OTP: variants seen among roughly 807,000 people sequenced by gnomAD.
OTP encodes homeobox protein orthopedia.
OTP carries 5 observed loss-of-function variants against 22.3 expected under a neutral mutation model. That is an observed-to-expected ratio of 0.22 (90% confidence interval 0.12 to 0.47). The LOEUF (loss-of-function observed/expected upper bound fraction) is 0.47, where lower values mean the gene tolerates loss of function less well. Among genes scored for constraint, OTP ranks in the 20% least tolerant of loss-of-function variants. The pLI, the probability that OTP is intolerant of heterozygous loss-of-function variation, is 0.99. For missense variants in OTP, 428 were observed against 456.2 expected, an observed-to-expected ratio of 0.94 and a Z score of 0.56; for synonymous variants, 229 against 210.6, an observed-to-expected ratio of 1.09 and a Z score of -0.76.
At chr5:77,638,325 T>C (rs1745042037) in intron 1 of OTP, among the ~76,000 whole-genome samples, 188 bp downstream of exon 1, 1 of 152,010 alleles carries the variant, frequency 6.6e-6, no homozygotes. Flanking sequence ...CCCAACTCCT[T>C]TCTTGGATCT....
Position 77,630,603 on chromosome 5 carries a change from G to A in OTP, c.639C>T (p.Ala213=), listed in dbSNP as rs2112366233. Residue 213 remains alanine, a synonymous_variant, in exon 3 of 3, where the codon GCC becomes GCT. Transcript: ENST00000306422. The part of the protein sequence containing the change: ...HANDTRWAAA[A]MPGVSQLPLP... ...GAGGCAGCTGTGACACGCCAGGCAT[G>A]GCGGCCGCCGCCCAGCGGGTGTCGT... 2 of 1,553,630 alleles carry A rather than the reference G, an allele frequency of 1.3e-6. No individual in the cohort carries two copies. The highest frequency in any genetic ancestry group is 1.9e-5 in the Admixed American group (1 of 52,710).
chr5:77,638,253 A>AAC (rs1294000763), intron 1 of OTP, among the ~76,000 whole-genome samples: 1 of 150,514 alleles, frequency 6.6e-6, no homozygotes, highest in Non-Finnish European at 1.5e-5. Context: ...CCTTTCGAAA[A>AAC]AAAAAAAAAG....
chr5:77,637,900 T>C (rs1561247568), intron 1 of OTP, among the ~76,000 whole-genome samples: 2 of 152,160 alleles, frequency 1.3e-5, no homozygotes, highest in East Asian at 1.9e-4. Flanking sequence ...AATCAAACTT[T>C]AGAGATTTCA....
intron 2 of OTP, chr5:77,636,207 G>A (rs561214643): frequency 6.6e-6 from 1 of 152,174 alleles, no homozygotes; most frequent in Non-Finnish European, 1.5e-5. Flanking sequence ...TGGGAATCTC[G>A]TCAGCTGCCC....
chr5:77,637,406 G>A (rs1337006043), intron 1 of OTP, among the ~76,000 whole-genome samples, 176 bp from the exon 2 acceptor site: 1 of 152,206 alleles, frequency 6.6e-6, no homozygotes, highest in East Asian at 1.9e-4. Flanking sequence ...AGCCGGGTTG[G>A]AATAATATCT....
chr5:77,630,915 G>C, intron 2 of OTP, 121 bp from the exon 3 acceptor site: 10 of 1,151,716 alleles, frequency 8.7e-6, no homozygotes, highest in Non-Finnish European at 1.2e-5. Flanking sequence ...GGAGGAACAA[G>C]TGCCGTAGGC....
chr5:77,637,666 C>T lies in OTP; in HGVS notation c.38-436G>A, dbSNP rs550836163. Among the ~76,000 whole-genome samples the T allele has an allele frequency of 9.8e-5, 15 of 152,308 alleles. No individual in the cohort carries two copies. The Middle Eastern group carries it at 0.01, about 104-fold the overall frequency. On this transcript the variant is annotated intron_variant, in intron 1 of 2. Coordinates refer to ENST00000306422, the MANE Select transcript of OTP (RefSeq NM_032109.3). ...GCTTCGGCAGCCTGACGAACTGTAC[C>T]TCCGGCCCTCAGCCGATTCCCTCTT...
chr5:77,635,958 A>C (rs1228075490), intron 2 of OTP: 1 of 152,090 alleles, frequency 6.6e-6, no homozygotes, highest in Non-Finnish European at 1.5e-5. Context: ...TTATACTTTT[A>C]TTCACCAATT....
chr5:77,631,871 T>C lies in OTP; in HGVS notation c.448-1077A>G, dbSNP rs374827844. 1.2e-3 allele frequency among the ~76,000 whole-genome samples: 178 copies of C among 152,240 alleles called. 5 individuals carry two copies. The South Asian group carries it at 0.031, about 27-fold the overall frequency. On this transcript the variant is annotated intron_variant, in intron 2 of 2. Coordinates refer to ENST00000306422, the MANE Select transcript of OTP (RefSeq NM_032109.3). Reference sequence around the variant, plus strand: ...AGCCACCGCGCCAAGCCAAAGTCTATTCCTTTCAGGAACTTACCAAGGGTC... The same window carrying C: ...AGCCACCGCGCCAAGCCAAAGTCTACTCCTTTCAGGAACTTACCAAGGGTC...
intron 1 of OTP, among the ~76,000 whole-genome samples, chr5:77,638,249 GA>G (rs34059045): frequency 3.1e-4 from 29 of 92,528 alleles, no homozygotes; most frequent in Middle Eastern, 6.3e-3. Flanking sequence ...ATCGCCTTTC[GA>G]AAAAAAAAAA....
intron 2 of OTP, 22 bp downstream of exon 2, chr5:77,636,799 C>T (rs1354374257): frequency 1.3e-6 from 2 of 1,592,678 alleles, no homozygotes; most frequent in Non-Finnish European, 1.7e-6. Flanking sequence ...GCCTTCTGTC[C>T]CAGATCCCAA....
At position 77,638,511 on chromosome 5, in the gene OTP, A is replaced by G; in HGVS notation, c.37+2T>C. On this transcript the variant is annotated splice_donor_variant, in intron 1 of 2. Transcript: ENST00000306422. LOFTEE classifies it high-confidence loss of function. ...CTGCCCGGGCGAGAGGCGCGCACTC[A>G]CCTAGCCTGGCGTCCAGGAGGTCGG... The G allele has an allele frequency of 1.3e-6, 2 of 1,573,818 alleles. No homozygotes were observed. Among genetic ancestry groups the G allele is most frequent in the Non-Finnish European group, 1.7e-6 (2 of 1,159,816 alleles).
At chr5:77,638,380 T>G (rs958713703) in intron 1 of OTP, 133 bp downstream of exon 1, 101 of 867,710 alleles carry the variant, frequency 1.2e-4, no homozygotes, top group Non-Finnish European at 1.7e-4. Flanking sequence ...TAAATCAAAT[T>G]AAACTTTAAT....
In OTP at chr5:77,634,800, T is replaced by C. The variant is rs528901811; in HGVS notation, c.447+2021A>G. Among the ~76,000 whole-genome samples, 10 of 152,338 alleles carry C rather than the reference T, an allele frequency of 6.6e-5. No homozygotes were observed. In the East Asian group the frequency reaches 1.7e-3, roughly 26 times the overall value. ...TTTTTAAACTATGGAACATTATTTTTAAAAATATTGAAATTGCCATTCTAT... is the reference window on the plus strand; with the variant it reads ...TTTTTAAACTATGGAACATTATTTTCAAAAATATTGAAATTGCCATTCTAT... On this transcript the variant is annotated intron_variant, in intron 2 of 2. Coordinates refer to ENST00000306422, the MANE Select transcript of OTP (RefSeq NM_032109.3).
In OTP at chr5:77,638,664, T is replaced by A. The variant is rs1745050240; in HGVS notation, c.-115A>T. On this transcript the variant is annotated 5_prime_UTR_variant, in exon 1 of 3. Transcript: ENST00000306422. ...TATAGATATATATAGATCACCTAAA[T>A]GAAAGAAAATTCGGTTTGTGGTTAA... The A allele has an allele frequency of 1.9e-6, 2 of 1,025,826 alleles. No homozygotes were observed. Among genetic ancestry groups the A allele is most frequent in the East Asian group, 6.2e-5 (2 of 32,422 alleles). The allele number at this position is 1,025,826 out of a possible 1,614,324, so 63.5% of individuals were successfully genotyped here.
chr5:77,630,514 G>A lies in OTP; in HGVS notation c.728C>T (p.Ala243Val). 6.3e-7 allele frequency: 1 copy of A among 1,590,680 alleles called. No homozygotes were observed. Among genetic ancestry groups the A allele is most frequent in the South Asian group, 1.1e-5 (1 of 87,944 alleles). Residue 243 changes from alanine to valine, a missense_variant, in exon 3 of 3, where the codon GCC becomes GTC. Transcript: ENST00000306422. ...AQSLSQCSLA[A>V]GPPPNSMGLS... ...GCCCATGGAGTTGGGCGGCGGACCG[G>A]CCGCCAGGCTGCACTGGGACAGCGA...
At chr5:77,637,343 G>T (rs760236974) in intron 1 of OTP, 113 bp from the exon 2 acceptor site, 30 of 1,264,456 alleles carry the variant, frequency 2.4e-5, no homozygotes, top group Admixed American at 1.2e-4. Flanking sequence ...ACCCGCGCTT[G>T]TCCTAAGGAA....
Position 77,630,159 on chromosome 5 carries a change from G to C in OTP, c.*105C>G. 1 of 600,960 alleles carries C rather than the reference G, an allele frequency of 1.7e-6. No individual in the cohort carries two copies. Among genetic ancestry groups the C allele is most frequent in the Non-Finnish European group, 2.3e-6 (1 of 426,508 alleles). The allele number at this position is 600,960 out of a possible 1,614,324, so 37.2% of individuals were successfully genotyped here. A position where few individuals can be genotyped will look rare whatever the true frequency, so the allele number is the denominator to read the frequency against. ...GACGAAACGAGACGGGGCGAAGGCC[G>C]GGGCGGGACGGGGCAGGGCGCCGGG... On this transcript the variant is annotated 3_prime_UTR_variant, in exon 3 of 3. Coordinates refer to ENST00000306422, the MANE Select transcript of OTP (RefSeq NM_032109.3).
intron 1 of OTP, 133 bp from the exon 2 acceptor site, chr5:77,637,363 AG>A: frequency 1.8e-6 from 2 of 1,084,158 alleles, no homozygotes; most frequent in South Asian, 3.4e-5. Context: ...AGAAACTCCC[AG>A]GGTATTCAGC....
Sources: gnomAD v4.1 joint callset for allele counts (sites outside exome capture counted in the v4.1 genomes callset) on GRCh38, gnomAD v4.1.1 for gene constraint, MANE v1.5 for transcripts, NCBI Gene and HGNC (gene_info 2026-07-23, HGNC 2026-07-21) for gene names.